Variants in DPYD observed in about 807,000 individuals in gnomAD.
DPYD encodes dihydropyrimidine dehydrogenase [NADP(+)].
A neutral mutation model predicts 116.2 loss-of-function variants in DPYD; 109 were observed. That is an observed-to-expected ratio of 0.94 (90% CI 0.80 to 1.10). DPYD has a LOEUF of 1.10. Among genes scored for constraint, DPYD ranks in the 50% least tolerant of loss-of-function variants. The probability of loss-of-function intolerance (pLI) is 0.00; values close to 1 mark genes in which losing one functional copy is unlikely to be tolerated. For missense variants in DPYD, 1,302 were observed against 1,254.5 expected (o/e 1.04, Z -0.57); for synonymous variants, 440 against 432.0 (o/e 1.02, Z -0.23).
chr1:97,913,697 G>A (rs72981735), intron 1 of DPYD, among the ~76,000 whole-genome samples: 2,826 of 152,164 alleles, frequency 0.019, 91 homozygotes, highest in African/African-American at 0.065. Flanking sequence ...ATTTCATAAA[G>A]ATTAAGATCT....
At chr1:97,832,807 A>T in intron 2 of DPYD, among the ~76,000 whole-genome samples, 1 of 152,200 alleles carries the variant, frequency 6.6e-6, no homozygotes, top group East Asian at 1.9e-4. Flanking sequence ...TAAGGATTCT[A>T]TAAAAGTATA....
In DPYD at chr1:97,392,377, T is replaced by G. The variant is rs141962979; in HGVS notation, c.1906-9916A>C. Among the ~76,000 whole-genome samples the G allele has an allele frequency of 1.4e-4, 21 of 151,792 alleles. No homozygotes were observed. In the East Asian group the frequency reaches 3.7e-3, roughly 27 times the overall value. ...TTTTTCCTTCTTTTTTTTTTCTAGATAGGGTCTTGCTCCGTCACCTATGCT... is the reference window on the plus strand; with the variant it reads ...TTTTTCCTTCTTTTTTTTTTCTAGAGAGGGTCTTGCTCCGTCACCTATGCT... On this transcript the variant is annotated intron_variant, in intron 14 of 22. Transcript: ENST00000370192.
rs910194793 is a variant in DPYD at position 97,579,059 on chromosome 1, C to T, written c.1129-5089G>A. On this transcript the variant is annotated intron_variant, in intron 10 of 22. Transcript: ENST00000370192. ...AAGAATACCTTATTTAACATTCTAT[C>T]CTTTATGTCCAAGAGTGATATTAAA... 8.5e-5 allele frequency among the ~76,000 whole-genome samples: 13 copies of T among 152,296 alleles called. No individual in the cohort carries two copies. In the East Asian group the frequency reaches 2.3e-3, roughly 27 times the overall value.
chr1:97,164,409 A>G (rs975593511), intron 20 of DPYD, among the ~76,000 whole-genome samples: 2 of 152,122 alleles, frequency 1.3e-5, no homozygotes, highest in African/African-American at 4.8e-5. Flanking sequence ...TCAACATGGT[A>G]CTGGAATACC....
At chr1:97,741,415 G>A (rs1293212037) in intron 3 of DPYD, among the ~76,000 whole-genome samples, 1 of 152,138 alleles carries the variant, frequency 6.6e-6, no homozygotes, top group Non-Finnish European at 1.5e-5. Context: ...AAATGGCACA[G>A]ACTTCACAGA....
intron 12 of DPYD, chr1:97,545,641 A>G: frequency 1.6e-6 from 1 of 618,798 alleles, no homozygotes; most frequent in Non-Finnish European, 2.9e-6. Context: ...GCCCTGTTGG[A>G]GGTACAGATT....
At chr1:97,302,315 AG>A (rs1666913386) in intron 18 of DPYD, among the ~76,000 whole-genome samples, 1 of 152,018 alleles carries the variant, frequency 6.6e-6, no homozygotes, top group South Asian at 2.1e-4. Flanking sequence ...ATACCAAACA[AG>A]ATTTCCTTTT....
At chr1:97,464,461 T>G (rs752757973) in intron 13 of DPYD, among the ~76,000 whole-genome samples, 8 of 152,108 alleles carry the variant, frequency 5.3e-5, no homozygotes, top group Non-Finnish European at 1.2e-4. Flanking sequence ...CAGCCTCTCC[T>G]ATCACAGGCT....
At chr1:97,650,727 T>TG (rs1658534096) in intron 8 of DPYD, among the ~76,000 whole-genome samples, 1 of 152,062 alleles carries the variant, frequency 6.6e-6, no homozygotes, top group East Asian at 1.9e-4. Context: ...CTAATATAGA[T>TG]TATTCCAAGT....
At chr1:97,192,314 C>T (rs1239360440) in intron 20 of DPYD, among the ~76,000 whole-genome samples, 2 of 151,922 alleles carry the variant, frequency 1.3e-5, no homozygotes, top group African/African-American at 4.8e-5. Context: ...TTATTAAATG[C>T]TTCCTTAAAG....
intron 19 of DPYD, among the ~76,000 whole-genome samples, chr1:97,203,667 C>CAA (rs1659376716): frequency 1.8e-5 from 1 of 54,644 alleles, no homozygotes; most frequent in Non-Finnish European, 3.7e-5. Flanking sequence ...TTCAGACCCC[C>CAA]CCCCCCCAAA....
intron 8 of DPYD, among the ~76,000 whole-genome samples, chr1:97,662,193 G>C (rs1393261463): frequency 6.7e-6 from 1 of 150,102 alleles, no homozygotes; most frequent in Admixed American, 6.6e-5. Flanking sequence ...GTAGAGATGG[G>C]GTTTCACCAT....
intron 11 of DPYD, among the ~76,000 whole-genome samples, chr1:97,572,713 G>A (rs557245222): frequency 4.6e-5 from 7 of 152,010 alleles, no homozygotes; most frequent in Non-Finnish European, 8.8e-5. Flanking sequence ...GACAAATTTA[G>A]GCCATCATCC....
intron 12 of DPYD, chr1:97,546,093 G>A: frequency 7.0e-7 from 1 of 1,419,524 alleles, no homozygotes; most frequent in Non-Finnish European, 1.0e-6. Context: ...TACAGTGCTG[G>A]TTAAGTTGAC....
intron 11 of DPYD, among the ~76,000 whole-genome samples, chr1:97,568,142 A>T (rs2786541): frequency 0.93 from 141,852 of 152,070 alleles, 66,637 homozygotes; most frequent in Non-Finnish European, 0.99. Flanking sequence ...ATATTGAACA[A>T]TTTCTCATTA....
chr1:97,793,467 T>C (rs970259570), intron 3 of DPYD, among the ~76,000 whole-genome samples: 14 of 152,118 alleles, frequency 9.2e-5, no homozygotes, highest in Non-Finnish European at 1.8e-4. Flanking sequence ...CAAGACTAAC[T>C]GTGAAGACAA....
At chr1:97,122,066 A>T (rs2101647365) in intron 20 of DPYD, among the ~76,000 whole-genome samples, 1 of 152,318 alleles carries the variant, frequency 6.6e-6, no homozygotes, top group South Asian at 2.1e-4. Flanking sequence ...AGTACCAGAG[A>T]TGAGATAAAT....
chr1:97,854,970 A>C (rs1670746971), intron 2 of DPYD: 1 of 152,190 alleles, frequency 6.6e-6, no homozygotes, highest in Admixed American at 6.5e-5. Context: ...CAAGACCTTG[A>C]TCCCATCAGC....
At chr1:97,360,363 C>T (rs1670654531) in intron 16 of DPYD, among the ~76,000 whole-genome samples, 1 of 152,118 alleles carries the variant, frequency 6.6e-6, no homozygotes, top group Non-Finnish European at 1.5e-5. Flanking sequence ...TTTTAACACC[C>T]CACTGTCCAC....
Sources: allele counts gnomAD v4.1 joint callset (sites outside exome capture counted in the v4.1 genomes callset), GRCh38; gene constraint gnomAD v4.1.1; transcripts MANE v1.5; gene names NCBI Gene and HGNC (gene_info 2026-07-23, HGNC 2026-07-21).